Variants in TIAM1 observed in about 807,000 individuals in gnomAD.
TIAM1 encodes TIAM Rac1 associated GEF 1, also known as rho guanine nucleotide exchange factor TIAM1.
Under a neutral mutation model 163.5 loss-of-function variants are expected in TIAM1, and 65 were observed. The observed-to-expected ratio is 0.40, with a 90% CI of 0.33 to 0.49. TIAM1 has a LOEUF of 0.49. Among genes scored for constraint, TIAM1 ranks in the 20% least tolerant of loss-of-function variants. TIAM1 has a pLI of 0.77. For synonymous variants in TIAM1, 833 were observed against 810.1 expected (o/e 1.03, Z -0.48); for missense variants, 1,789 against 2,044.7 (o/e 0.87, Z 2.41).
At chr21:31,531,012 G>T (rs2047951242) in intron 1 of TIAM1, among the ~76,000 whole-genome samples, 1 of 152,084 alleles carries the variant, frequency 6.6e-6, no homozygotes, top group Non-Finnish European at 1.5e-5. Context: ...TTTCTCTCCA[G>T]ATGGCGGCTT....
chr21:31,223,598 T>C lies in TIAM1; in HGVS notation c.1810-7A>G. 6.3e-7 allele frequency: 1 copy of C among 1,578,630 alleles called. No homozygotes were observed. Among genetic ancestry groups the C allele is most frequent in the Non-Finnish European group, 8.6e-7 (1 of 1,161,048 alleles). ...TTTGCTCCCAGACAAAGATCTATGG[T>C]AGTGAAAACACGGGAAAAGAAAAAG... On this transcript the variant is annotated splice_polypyrimidine_tract_variant and splice_region_variant and intron_variant, in intron 7 of 27. Transcript: ENST00000541036.
At chr21:31,383,198 C>T (rs769288197) in intron 2 of TIAM1, among the ~76,000 whole-genome samples, 2 of 152,064 alleles carry the variant, frequency 1.3e-5, no homozygotes, top group Non-Finnish European at 2.9e-5. Flanking sequence ...AGAGATCGTG[C>T]CATTGCAGTC....
chr21:31,231,000 A>T (rs1415731645), intron 6 of TIAM1, among the ~76,000 whole-genome samples: 1 of 151,836 alleles, frequency 6.6e-6, no homozygotes, highest in African/African-American at 2.4e-5. Flanking sequence ...GGGAGAATAG[A>T]ACTTTCTGGC....
intron 1 of TIAM1, among the ~76,000 whole-genome samples, chr21:31,341,548 T>A (rs1248780631): frequency 1.3e-5 from 2 of 152,228 alleles, no homozygotes; most frequent in African/African-American, 4.8e-5. Context: ...CACTTTAAAT[T>A]ACCAGTAAGT....
intron 2 of TIAM1, among the ~76,000 whole-genome samples, chr21:31,439,182 A>G (rs2044329376): frequency 1.3e-5 from 2 of 152,236 alleles, no homozygotes; most frequent in South Asian, 4.1e-4. Context: ...GGGGGTAGCC[A>G]CAGTGATTAA....
chr21:31,256,588 T>TCCACACACACACAC (rs71318263), intron 4 of TIAM1, among the ~76,000 whole-genome samples: 1 of 128,162 alleles, frequency 7.8e-6, no homozygotes. Context: ...TACCCCTCAC[T>TCCACACACACACAC]ACACACACAC....
At chr21:31,205,874 G>A (rs1025304334) in intron 11 of TIAM1, among the ~76,000 whole-genome samples, 1 of 152,036 alleles carries the variant, frequency 6.6e-6, no homozygotes, top group African/African-American at 2.4e-5. Flanking sequence ...AAGTTGAGGC[G>A]GGAGGATTGC....
At chr21:31,327,310 A>G (rs1249067765) in intron 2 of TIAM1, among the ~76,000 whole-genome samples, 1 of 152,198 alleles carries the variant, frequency 6.6e-6, no homozygotes, top group Non-Finnish European at 1.5e-5. Context: ...GTACCCTTAT[A>G]GGATAAAAAG....
At position 31,124,516 on chromosome 21, in the gene TIAM1, C is replaced by G. The variant is rs1272510285; in HGVS notation, c.4306+6G>C. 6.2e-7 allele frequency: 1 copy of G among 1,612,386 alleles called. No individual in the cohort carries two copies. Among genetic ancestry groups the G allele is most frequent in the African/African-American group, 1.3e-5 (1 of 75,006 alleles). On this transcript the variant is annotated splice_donor_region_variant and intron_variant, in intron 27 of 27. Transcript: ENST00000541036. ...GGAATCTTGAACGTCCGAATCCCCACAGTACCTGCCCTGCTCATGGCCGGC... is the reference window on the plus strand; with the variant it reads ...GGAATCTTGAACGTCCGAATCCCCAGAGTACCTGCCCTGCTCATGGCCGGC...
At chr21:31,121,053 T>C (rs1476577010) in intron 27 of TIAM1, among the ~76,000 whole-genome samples, 1 of 152,146 alleles carries the variant, frequency 6.6e-6, no homozygotes, top group Non-Finnish European at 1.5e-5. Context: ...TAGCAACTGA[T>C]GCAAGGGCAA....
At chr21:31,369,620 CTTTGA>C (rs1230679424) in intron 2 of TIAM1, among the ~76,000 whole-genome samples, 4 of 152,166 alleles carry the variant, frequency 2.6e-5, no homozygotes, top group African/African-American at 9.7e-5. Context: ...ATGGTAATTA[CTTTGA>C]TTTGATCATC....
chr21:31,124,134 GAC>G (rs1461963932), intron 27 of TIAM1: 1 of 172,310 alleles, frequency 5.8e-6, no homozygotes, highest in African/African-American at 2.4e-5. Context: ...GCTGAAATGT[GAC>G]ACACGGCTTT....
At chr21:31,406,177 T>C (rs113587158) in intron 2 of TIAM1, among the ~76,000 whole-genome samples, 3,561 of 145,094 alleles carry the variant, frequency 0.025, 114 homozygotes, top group African/African-American at 0.082. Context: ...TTAAATGTTA[T>C]CTTAAAAAAA....
At chr21:31,191,964 G>T (rs548973335) in intron 13 of TIAM1, among the ~76,000 whole-genome samples, 27 of 150,854 alleles carry the variant, frequency 1.8e-4, no homozygotes, top group Middle Eastern at 3.4e-3. Context: ...AAGAGAAAAA[G>T]AATAATCATT....
At chr21:31,174,148 T>C (rs554999490) in intron 15 of TIAM1, among the ~76,000 whole-genome samples, 1 of 152,294 alleles carries the variant, frequency 6.6e-6, no homozygotes, top group East Asian at 1.9e-4. Flanking sequence ...TTGCCGCCCC[T>C]CCCTGCCGCC....
chr21:31,265,967 T>C (rs1192630196), intron 4 of TIAM1, 43 bp downstream of exon 4: 1 of 1,596,174 alleles, frequency 6.3e-7, no homozygotes, highest in Admixed American at 1.7e-5. Context: ...TAAAGAGTCA[T>C]GCACCATTCC....
chr21:31,532,741 A>G (rs926364085), intron 1 of TIAM1, among the ~76,000 whole-genome samples: 1 of 152,154 alleles, frequency 6.6e-6, no homozygotes, highest in Non-Finnish European at 1.5e-5. Flanking sequence ...GAAATAAGAG[A>G]AATTTCCCCA....
chr21:31,369,045 T>A (rs1279140264), intron 2 of TIAM1, among the ~76,000 whole-genome samples: 1 of 144,454 alleles, frequency 6.9e-6, no homozygotes, highest in South Asian at 2.1e-4. Flanking sequence ...AGAGACATGG[T>A]GAAACCCCAT....
At chr21:31,411,757 T>C (rs932141056) in intron 2 of TIAM1, among the ~76,000 whole-genome samples, 1 of 152,292 alleles carries the variant, frequency 6.6e-6, no homozygotes, top group African/African-American at 2.4e-5. Context: ...ATTACAGGCA[T>C]GAGCTACCAT....
Sources: gnomAD v4.1 joint callset for allele counts (sites outside exome capture counted in the v4.1 genomes callset) on GRCh38, gnomAD v4.1.1 for gene constraint, MANE v1.5 for transcripts, NCBI Gene and HGNC (gene_info 2026-07-23, HGNC 2026-07-21) for gene names.